Variants in PLA2G4B observed in about 807,000 individuals in gnomAD.
PLA2G4B encodes phospholipase A2 group IVB.
Under a neutral mutation model 95.8 loss-of-function variants are expected in PLA2G4B, and 122 were observed. The observed-to-expected ratio is 1.27, with a 90% CI of 1.10 to 1.48. The LOEUF (loss-of-function observed/expected upper bound fraction) is 1.48. PLA2G4B is among the 40% of genes most tolerant of loss of function. The pLI, the probability that PLA2G4B is intolerant of heterozygous loss-of-function variation, is 0.00. For synonymous variants in PLA2G4B, 518 were observed against 421.5 expected, an observed-to-expected ratio of 1.23 and a Z score of -2.80; for missense variants, 1,158 against 996.2, an observed-to-expected ratio of 1.16 and a Z score of -2.19.
intron 7 of PLA2G4B, 26 bp downstream of exon 7, chr15:41,841,597 C>G: frequency 6.2e-7 from 1 of 1,613,828 alleles, no homozygotes; most frequent in East Asian, 2.2e-5. Flanking sequence ...ACTGGGACAG[C>G]CCCTGGCTCT....
At position 41,847,345 on chromosome 15, in the gene PLA2G4B, G is replaced by A; in HGVS notation, c.1956G>A (p.Gln652=). Reference sequence around the variant, plus strand: ...TTCTGCCTGCCCTGCAGCAGTTGCAGCTCCTGGGCCGGTTCTGCCAGGAGC... The same window carrying A: ...TTCTGCCTGCCCTGCAGCAGTTGCAACTCCTGGGCCGGTTCTGCCAGGAGC... The part of the protein sequence containing the change: ...YNLHGAFQQL[Q]LLGRFCQEQG... Residue 652 remains glutamine, a synonymous_variant, in exon 19 of 20, where the codon CAG becomes CAA. Coordinates refer to ENST00000458483, the MANE Select transcript of PLA2G4B (RefSeq NM_001114633.2). 1 of 1,601,508 alleles carries A rather than the reference G, an allele frequency of 6.2e-7. No individual in the cohort carries two copies. Among genetic ancestry groups the A allele is most frequent in the African/African-American group, 1.3e-5 (1 of 74,830 alleles).
intron 18 of PLA2G4B, 38 bp downstream of exon 18, chr15:41,846,873 G>T: frequency 1.3e-6 from 2 of 1,580,388 alleles, no homozygotes; most frequent in Non-Finnish European, 1.7e-6. Context: ...GAGGCGGTGG[G>T]TGGCCCCTGT....
chr15:41,842,544 C>A lies in PLA2G4B; in HGVS notation c.706-10C>A, dbSNP rs200270088. 2 of 1,610,812 alleles carry A rather than the reference C, an allele frequency of 1.2e-6. No individual in the cohort carries two copies. The highest frequency in any genetic ancestry group is 3.4e-5 in the Admixed American group (2 of 58,778). The stretch of plus-strand genomic sequence containing the variant: ...CGACCTTTTGTGACTGGGGCCTTCA[C>A]GGTTTTCAGGAGCCCCTGATGAGAG... On this transcript the variant is annotated splice_polypyrimidine_tract_variant and intron_variant, in intron 9 of 19. Transcript: ENST00000458483.
chr15:41,842,688 C>A, intron 10 of PLA2G4B, 97 bp downstream of exon 10: 1 of 1,535,018 alleles, frequency 6.5e-7, no homozygotes, highest in Non-Finnish European at 8.7e-7. Flanking sequence ...AAACAGCCGC[C>A]CCTCATCCTC....
chr15:41,847,055 G>A (rs541451506), intron 18 of PLA2G4B, among the ~76,000 whole-genome samples: 1 of 152,104 alleles, frequency 6.6e-6, no homozygotes, highest in South Asian at 2.1e-4. Context: ...TTACTGACCT[G>A]CGAGGTGTGG....
At chr15:41,844,637 C>G (rs1346479229) in intron 12 of PLA2G4B, 30 bp downstream of exon 12, 1 of 1,613,590 alleles carries the variant, frequency 6.2e-7, no homozygotes, top group Non-Finnish European at 8.5e-7. Context: ...ATGCTGGACC[C>G]TGTGTGGCAG....
At chr15:41,842,116 C>T (rs935119863) in intron 8 of PLA2G4B, 77 bp from the exon 9 acceptor site, 25 of 1,591,198 alleles carry the variant, frequency 1.6e-5, no homozygotes, top group Middle Eastern at 1.7e-4. Flanking sequence ...CTATGGCTGC[C>T]GGCGGGAGTT....
chr15:41,842,437 C>G lies in PLA2G4B; in HGVS notation c.706-117C>G, dbSNP rs1357764025. 4 of 1,567,010 alleles carry G rather than the reference C, an allele frequency of 2.6e-6. No homozygotes were observed. The Middle Eastern group carries it at 6.1e-4, about 238-fold the overall frequency. On this transcript the variant is annotated intron_variant, in intron 9 of 19. Coordinates refer to ENST00000458483, the MANE Select transcript of PLA2G4B (RefSeq NM_001114633.2). Reference sequence around the variant, plus strand: ...TCCTCTGAGCATCCCTGCTTCAGGCCTGGCGCCTGTGGAGACGGTGGCGGG... The same window carrying G: ...TCCTCTGAGCATCCCTGCTTCAGGCGTGGCGCCTGTGGAGACGGTGGCGGG...
intron 5 of PLA2G4B, 68 bp downstream of exon 5, chr15:41,841,163 G>A (rs914325748): frequency 1.5e-5 from 25 of 1,614,012 alleles, no homozygotes; most frequent in Middle Eastern, 3.3e-4. Context: ...AGTGCCTGGG[G>A]GATGCCCAGG....
intron 18 of PLA2G4B, 103 bp downstream of exon 18, chr15:41,846,938 CTG>C: frequency 4.3e-6 from 6 of 1,401,314 alleles, no homozygotes; most frequent in Non-Finnish European, 5.7e-6. Flanking sequence ...CCTTTAGGAG[CTG>C]TGATTGGGAC....
At chr15:41,844,746 A>G in intron 12 of PLA2G4B, 102 bp from the exon 13 acceptor site, 2 of 1,544,540 alleles carry the variant, frequency 1.3e-6, no homozygotes, top group South Asian at 1.2e-5. Context: ...GGACCCTGGG[A>G]AGGTCCCTGC....
chr15:41,840,998 C>G (rs2065420343), intron 4 of PLA2G4B, 57 bp from the exon 5 acceptor site: 2 of 1,572,718 alleles, frequency 1.3e-6, no homozygotes, highest in Non-Finnish European at 1.7e-6. Flanking sequence ...CTCATACTCA[C>G]TGACATATGT....
Position 41,840,877 on chromosome 15 carries a change from G to T in PLA2G4B, c.323G>T (p.Arg108Leu), listed in dbSNP as rs752705085. The T allele has an allele frequency of 1.2e-6, 2 of 1,613,572 alleles. No homozygotes were observed. Among genetic ancestry groups the T allele is most frequent in the Admixed American group, 1.7e-5 (1 of 59,980 alleles). ...GGGACTCTGCGGGCTGGGGAGTTCCGGCGCGAGAGCTTCTCACTGAGCCCT... is the reference window on the plus strand; with the variant it reads ...GGGACTCTGCGGGCTGGGGAGTTCCTGCGCGAGAGCTTCTCACTGAGCCCT... ...DAGTLRAGEF[R>L]RESFSLSPQG... Residue 108 changes from arginine (R) to leucine (L), a missense_variant, in exon 4 of 20, where the codon CGG (arginine) becomes CTG (leucine). Physicochemically the swap from Arg to Leu is moderately radical, Grantham distance 102. Transcript: ENST00000458483.
In PLA2G4B at chr15:41,840,590, G is replaced by A. The variant is rs962917685; in HGVS notation, c.149G>A (p.Arg50His). 4.3e-6 allele frequency: 7 copies of A among 1,613,934 alleles called. No individual in the cohort carries two copies. Among genetic ancestry groups the A allele is most frequent in the South Asian group, 2.2e-5 (2 of 91,082 alleles). Reference protein sequence around the residue: ...PTACSHRLQTRTVKNSSSPVW... With the variant: ...PTACSHRLQTHTVKNSSSPVW... ...GCCTGCAGCCACAGGCTCCAGACAC[G>A]CACGGTCAAGAACAGCAGTAGCCCT... The change falls in exon 3 of 20, where the codon CGC (arginine) becomes CAC (histidine). Residue 50 changes from arginine to histidine, a missense_variant. Physicochemically the swap from Arg to His is conservative, Grantham distance 29 (BLOSUM62 0). Coordinates refer to ENST00000458483, the MANE Select transcript of PLA2G4B (RefSeq NM_001114633.2).
chr15:41,844,281 T>A (rs748870788), intron 11 of PLA2G4B, among the ~76,000 whole-genome samples, 190 bp from the exon 12 acceptor site: 2 of 152,180 alleles, frequency 1.3e-5, no homozygotes, highest in Non-Finnish European at 2.9e-5. Context: ...CTGGAGCCCT[T>A]AGGACTGGAG....
Position 41,846,700 on chromosome 15 carries a change from G to A in PLA2G4B, c.1812G>A (p.Leu604=). The A allele has an allele frequency of 6.2e-7, 1 of 1,613,380 alleles. No individual in the cohort carries two copies. The highest frequency in any genetic ancestry group is 2.2e-5 in the East Asian group (1 of 44,848). ...CTCTGGATGGGCTCCCCAACCAGCTGACACCCTCGGAGCCCCACCTGTGCC... is the reference window on the plus strand; with the variant it reads ...CTCTGGATGGGCTCCCCAACCAGCTAACACCCTCGGAGCCCCACCTGTGCC... The part of the protein sequence containing the change: ...ATTLDGLPNQ[L]TPSEPHLCLL... The change falls in exon 18 of 20, where the codon CTG becomes CTA. Residue 604 remains leucine, a synonymous_variant. Coordinates refer to ENST00000458483, the MANE Select transcript of PLA2G4B (RefSeq NM_001114633.2).
At position 41,840,847 on chromosome 15, in the gene PLA2G4B, A is replaced by G. The variant is rs559805314; in HGVS notation, c.293A>G (p.Asp98Gly). 6.2e-7 allele frequency: 1 copy of G among 1,613,964 alleles called. No individual in the cohort carries two copies. The highest frequency in any genetic ancestry group is 1.1e-5 in the South Asian group (1 of 91,076). ...GDDPVLSVLF[D>G]AGTLRAGEFR... ...GACCCTGTGTTGTCAGTACTGTTTGATGCGGGGACTCTGCGGGCTGGGGAG... is the reference window on the plus strand; with the variant it reads ...GACCCTGTGTTGTCAGTACTGTTTGGTGCGGGGACTCTGCGGGCTGGGGAG... Residue 98 changes from aspartate (D) to glycine (G), a missense_variant, in exon 4 of 20, where the codon GAT (aspartate) becomes GGT (glycine). By Grantham distance (94) the Asp-to-Gly change is moderately conservative. Transcript: ENST00000458483.
intron 1 of PLA2G4B, 175 bp downstream of exon 1, chr15:41,839,097 G>A: frequency 1.8e-6 from 1 of 544,610 alleles, no homozygotes; most frequent in Admixed American, 3.2e-5. Flanking sequence ...TTGGGGATGA[G>A]GGATCCGTCC....
At position 41,840,872 on chromosome 15, in the gene PLA2G4B, G is replaced by C. The variant is rs1233631040; in HGVS notation, c.318G>C (p.Glu106Asp). 1.9e-6 allele frequency: 3 copies of C among 1,613,812 alleles called. No individual in the cohort carries two copies. Among genetic ancestry groups the C allele is most frequent in the African/African-American group, 1.3e-5 (1 of 75,046 alleles). The change falls in exon 4 of 20, where the codon GAG becomes GAC. Residue 106 changes from glutamate (E) to aspartate (D), a missense_variant. By Grantham distance (45) the Glu-to-Asp change is conservative. Coordinates refer to ENST00000458483, the MANE Select transcript of PLA2G4B (RefSeq NM_001114633.2). ...LFDAGTLRAG[E>D]FRRESFSLSP... ...ATGCGGGGACTCTGCGGGCTGGGGAGTTCCGGCGCGAGAGCTTCTCACTGA... is the reference window on the plus strand; with the variant it reads ...ATGCGGGGACTCTGCGGGCTGGGGACTTCCGGCGCGAGAGCTTCTCACTGA...
Sources: allele counts gnomAD v4.1 joint callset (sites outside exome capture counted in the v4.1 genomes callset), GRCh38; gene constraint gnomAD v4.1.1; transcripts MANE v1.5; gene names NCBI Gene and HGNC (gene_info 2026-07-23, HGNC 2026-07-21).